Variants in GRIK4 observed in about 807,000 individuals in gnomAD.
GRIK4 encodes glutamate ionotropic receptor kainate type subunit 4, also known as glutamate receptor ionotropic, kainate 4.
Under a neutral mutation model 104.9 loss-of-function variants are expected in GRIK4, and 40 were observed. That is an observed-to-expected ratio of 0.38 (90% confidence interval 0.30 to 0.50). GRIK4 has a LOEUF of 0.50. GRIK4 is among the 20% of genes least tolerant of loss of function. The probability of loss-of-function intolerance (pLI) is 0.93; values close to 1 mark genes in which losing one functional copy is unlikely to be tolerated. For missense variants in GRIK4, 1,047 were observed against 1,308.1 expected (o/e 0.80, Z 3.08); for synonymous variants, 485 against 524.9 (o/e 0.92, Z 1.04).
At position 120,513,980 on chromosome 11, in the gene GRIK4, G is replaced by C. The variant is rs1360901526; in HGVS notation, c.-159+2093G>C. On this transcript the variant is annotated intron_variant, in intron 1 of 20. Coordinates refer to ENST00000527524, the MANE Select transcript of GRIK4 (RefSeq NM_014619.5). The surrounding 1 kb of genome is among the most constrained non-coding windows in gnomAD (Gnocchi z 4.5). ...AGGGAACTTTAGTACCGGGAGAGAG[G>C]CAGAGACTCTAGGAGAAAGTCCCAG... Among the ~76,000 whole-genome samples the C allele has an allele frequency of 1.3e-5, 2 of 152,176 alleles. No individual in the cohort carries two copies. The highest frequency in any genetic ancestry group is 2.9e-5 in the Non-Finnish European group (2 of 68,044).
At chr11:120,519,490 T>C (rs1947770574) in intron 1 of GRIK4, among the ~76,000 whole-genome samples, 1 of 152,216 alleles carries the variant, frequency 6.6e-6, no homozygotes, top group Admixed American at 6.5e-5. Context: ...CACCCGACAC[T>C]GAATCTGCCA....
intron 1 of GRIK4, among the ~76,000 whole-genome samples, chr11:120,627,643 G>T (rs1949278829): frequency 6.6e-6 from 1 of 152,188 alleles, no homozygotes; most frequent in African/African-American, 2.4e-5. Flanking sequence ...CTGTCAACAT[G>T]GCTGCTGCCC....
In GRIK4 at chr11:120,939,118, C is replaced by T. The variant is rs531711540; in HGVS notation, c.1477-1229C>T. Among the ~76,000 whole-genome samples, 83 of 88,066 alleles carry T rather than the reference C, an allele frequency of 9.4e-4. No homozygotes were observed. The highest frequency in any genetic ancestry group is 2.4e-3 in the African/African-American group (81 of 33,290). 57.8% of individuals were successfully genotyped at this position (88,066 alleles called of 152,430 possible). The stretch of plus-strand genomic sequence containing the variant: ...GTAGAGGATGCATTAGAACTGAGCA[C>T]CAGTTCTGGGCTTTTCCCACTGCCC... On this transcript the variant is annotated intron_variant, in intron 13 of 20. Transcript: ENST00000527524. The surrounding 1 kb of genome is among the most constrained non-coding windows in gnomAD (Gnocchi z 5.6).
chr11:120,691,975 G>A (rs892885701), intron 3 of GRIK4, among the ~76,000 whole-genome samples: 7 of 152,178 alleles, frequency 4.6e-5, no homozygotes, highest in African/African-American at 1.4e-4. Context: ...TTAGGTCTTC[G>A]GTGAGCAATA....
intron 1 of GRIK4, among the ~76,000 whole-genome samples, chr11:120,539,231 C>G (rs1481607392): frequency 6.6e-6 from 1 of 152,180 alleles, no homozygotes; most frequent in Non-Finnish European, 1.5e-5. Context: ...GTGGGACAGT[C>G]CTGGGCCTGT....
At chr11:120,756,548 G>C (rs1301484755) in intron 3 of GRIK4, among the ~76,000 whole-genome samples, 1 of 152,176 alleles carries the variant, frequency 6.6e-6, no homozygotes, top group Non-Finnish European at 1.5e-5. Flanking sequence ...TGAGGTCCAT[G>C]AGCCATACTG....
intron 3 of GRIK4, among the ~76,000 whole-genome samples, chr11:120,684,396 G>A (rs922364879): frequency 2.0e-4 from 31 of 152,130 alleles, no homozygotes; most frequent in African/African-American, 7.5e-4. Flanking sequence ...TGGTCGGTTG[G>A]CCCATTCAGT....
chr11:120,753,297 CTGTGTGTGTGTGTGTGTGTGTGTG>C (rs57423619), intron 3 of GRIK4, among the ~76,000 whole-genome samples: 4 of 130,202 alleles, frequency 3.1e-5, no homozygotes, highest in East Asian at 2.2e-4. Flanking sequence ...CAACACAACT[CTGTGTGTGTGTGTGTGTGTGTGTG>C]TGTGTGTGTG....
intron 1 of GRIK4, among the ~76,000 whole-genome samples, chr11:120,595,563 T>C (rs1366065426): frequency 6.6e-6 from 1 of 152,206 alleles, no homozygotes; most frequent in Non-Finnish European, 1.5e-5. Flanking sequence ...CCTTATCCTC[T>C]GCTGCTTGAT....
At chr11:120,974,152 C>T (rs1944523004) in intron 19 of GRIK4, among the ~76,000 whole-genome samples, 1 of 152,118 alleles carries the variant, frequency 6.6e-6, no homozygotes, top group Non-Finnish European at 1.5e-5. Flanking sequence ...AAGTGATCTG[C>T]CCCCCTTGGC....
intron 1 of GRIK4, among the ~76,000 whole-genome samples, chr11:120,588,810 C>T (rs936544820): frequency 2.6e-5 from 4 of 152,130 alleles, no homozygotes; most frequent in Admixed American, 6.5e-5. Flanking sequence ...CTGTAGCCCC[C>T]AATTTGTGAT....
At chr11:120,628,713 G>C (rs1949293104) in intron 1 of GRIK4, among the ~76,000 whole-genome samples, 1 of 152,196 alleles carries the variant, frequency 6.6e-6, no homozygotes, top group Non-Finnish European at 1.5e-5. Flanking sequence ...TGGGACCCAG[G>C]TGAGTCCAGA....
intron 7 of GRIK4, among the ~76,000 whole-genome samples, chr11:120,833,271 C>T (rs1953483073): frequency 8.2e-6 from 1 of 122,044 alleles, no homozygotes; most frequent in Non-Finnish European, 1.7e-5. Context: ...CTCTTTCTTT[C>T]TCTCTCTCTC....
In GRIK4 at chr11:120,860,358, G is replaced by A. The variant is rs1954228424; in HGVS notation, c.745-1601G>A. 3.3e-5 allele frequency among the ~76,000 whole-genome samples: 5 copies of A among 152,274 alleles called. No homozygotes were observed. The South Asian group carries it at 1.0e-3, about 32-fold the overall frequency. On this transcript the variant is annotated intron_variant, in intron 8 of 20. Transcript: ENST00000527524. ...GCCCAGGGAGACCTTGGGGGCCAGG[G>A]CTCAGAGCTCAGAGGAGGACACTGC... is the stretch of plus-strand genomic sequence containing the variant.
chr11:120,616,412 G>A (rs207472412), intron 1 of GRIK4, among the ~76,000 whole-genome samples: 14 of 152,352 alleles, frequency 9.2e-5, no homozygotes, highest in African/African-American at 1.4e-4. Flanking sequence ...CTGAGGAAGC[G>A]CCTGTTAGAT....
At chr11:120,592,413 A>C (rs1305364803) in intron 1 of GRIK4, among the ~76,000 whole-genome samples, 4 of 152,196 alleles carry the variant, frequency 2.6e-5, no homozygotes, top group Non-Finnish European at 5.9e-5. Flanking sequence ...TTTAATGACG[A>C]ACCCTGAGAA....
intron 3 of GRIK4, among the ~76,000 whole-genome samples, chr11:120,699,531 G>A (rs1281811409): frequency 2.1e-5 from 2 of 94,826 alleles, no homozygotes; most frequent in Non-Finnish European, 3.8e-5. Flanking sequence ...AGTAAGTCAG[G>A]TGTGTGTATG....
chr11:120,672,420 A>G (rs1428740956), intron 3 of GRIK4, among the ~76,000 whole-genome samples: 6 of 152,320 alleles, frequency 3.9e-5, no homozygotes, highest in African/African-American at 1.2e-4. Flanking sequence ...CTGTCTTAAA[A>G]AAAAAATAGA....
chr11:120,847,278 T>G (rs775616518), intron 8 of GRIK4, among the ~76,000 whole-genome samples: 3 of 152,198 alleles, frequency 2.0e-5, no homozygotes, highest in Non-Finnish European at 4.4e-5. Context: ...CAGCATTAAC[T>G]GAGCACTTAC....
Sources: gnomAD v4.1 joint callset for allele counts (sites outside exome capture counted in the v4.1 genomes callset) on GRCh38, gnomAD v4.1.1 for gene constraint, Gnocchi (gnomAD v3.1) non-coding constraint, MANE v1.5 for transcripts, NCBI Gene and HGNC (gene_info 2026-07-23, HGNC 2026-07-21) for gene names.